The following CHCHD6 variants were observed in gnomAD, a reference collection of about 807,000 sequenced individuals.
The protein encoded by CHCHD6 is MICOS complex subunit MIC25.
Under a neutral mutation model 32.3 loss-of-function variants are expected in CHCHD6, and 28 were observed. The ratio of observed to expected loss-of-function variants is 0.87; its 90% CI spans 0.64 to 1.19. The LOEUF (loss-of-function observed/expected upper bound fraction) is 1.19, where lower values mean the gene tolerates loss of function less well. Ranked by LOEUF, CHCHD6 falls within the 50% of genes most tolerant of loss-of-function variation. The probability of loss-of-function intolerance (pLI) is 0.00; values close to 1 mark genes in which losing one functional copy is unlikely to be tolerated. For synonymous variants in CHCHD6, 122 were observed against 117.5 expected (o/e 1.04, Z -0.25); for missense variants, 333 against 307.0 (o/e 1.08, Z -0.63).
Position 126,836,332 on chromosome 3 carries a change from C to A in CHCHD6, c.412-16315C>A, listed in dbSNP as rs555584458. 1.4e-4 allele frequency among the ~76,000 whole-genome samples: 21 copies of A among 152,302 alleles called. No homozygotes were observed. The South Asian group carries it at 3.5e-3, about 26-fold the overall frequency. ...GGTTTTTTCAGCAGGGAATGAACTTCCCTAAGATCTTCGTGGCCTTCTATC... is the reference window on the plus strand; with the variant it reads ...GGTTTTTTCAGCAGGGAATGAACTTACCTAAGATCTTCGTGGCCTTCTATC... On this transcript the variant is annotated intron_variant, in intron 4 of 7. Transcript: ENST00000290913.
At chr3:126,895,319 G>A (rs2077823021) in intron 5 of CHCHD6, among the ~76,000 whole-genome samples, 1 of 152,222 alleles carries the variant, frequency 6.6e-6, no homozygotes, top group Admixed American at 6.5e-5. Flanking sequence ...CTATTTAGAA[G>A]GAAGAGCTTC....
chr3:126,757,822 T>A (rs1338989312), intron 4 of CHCHD6, among the ~76,000 whole-genome samples: 4 of 152,122 alleles, frequency 2.6e-5, no homozygotes, highest in Non-Finnish European at 4.4e-5. Context: ...GACAGGGGTA[T>A]CTTTGTGAAT....
intron 5 of CHCHD6, among the ~76,000 whole-genome samples, chr3:126,904,773 A>AATACTTT (rs2077981586): frequency 6.6e-6 from 1 of 152,202 alleles, no homozygotes; most frequent in African/African-American, 2.4e-5. Flanking sequence ...TACTTCTGGG[A>AATACTTT]AGGTCTCACC....
At chr3:126,788,475 A>G (rs922777941) in intron 4 of CHCHD6, among the ~76,000 whole-genome samples, 1 of 152,074 alleles carries the variant, frequency 6.6e-6, no homozygotes, top group Admixed American at 6.6e-5. Flanking sequence ...TTGGTTGGTA[A>G]GCTATTAATT....
intron 3 of CHCHD6, among the ~76,000 whole-genome samples, chr3:126,732,078 C>CAA (rs57722271): frequency 0.011 from 864 of 75,850 alleles, 13 homozygotes; most frequent in African/African-American, 0.042. Flanking sequence ...GACCCAAAAC[C>CAA]AAAAAAAAAA....
intron 1 of CHCHD6, among the ~76,000 whole-genome samples, chr3:126,706,906 T>C (rs779769817): frequency 2.6e-4 from 39 of 152,208 alleles, no homozygotes; most frequent in Admixed American, 3.3e-4. Flanking sequence ...AAGTTGAATA[T>C]TCTTAATGAC....
At chr3:126,821,534 T>A (rs1314572589) in intron 4 of CHCHD6, among the ~76,000 whole-genome samples, 1 of 151,330 alleles carries the variant, frequency 6.6e-6, no homozygotes, top group Non-Finnish European at 1.5e-5. Context: ...GACCTTGCAA[T>A]CCACCTGCCT....
chr3:126,852,627 C>T lies in CHCHD6; in HGVS notation c.412-20C>T. 6.2e-7 allele frequency: 1 copy of T among 1,605,660 alleles called. No homozygotes were observed. The highest frequency in any genetic ancestry group is 8.5e-7 in the Non-Finnish European group (1 of 1,172,484). ...CACCATCGCTGCTGGCTAACGTGGGCTTTGTTCTCTTCCAAGCAGGCCAGG... is the reference window on the plus strand; with the variant it reads ...CACCATCGCTGCTGGCTAACGTGGGTTTTGTTCTCTTCCAAGCAGGCCAGG... On this transcript the variant is annotated intron_variant, in intron 4 of 7. Coordinates refer to ENST00000290913, the MANE Select transcript of CHCHD6 (RefSeq NM_032343.3).
chr3:126,815,396 A>G (rs567000571), intron 4 of CHCHD6, among the ~76,000 whole-genome samples: 2 of 152,152 alleles, frequency 1.3e-5, no homozygotes, highest in Non-Finnish European at 2.9e-5. Context: ...GCATGGTCGC[A>G]CACAGAATCC....
At chr3:126,759,809 A>C (rs1426334344) in intron 4 of CHCHD6, among the ~76,000 whole-genome samples, 2 of 152,188 alleles carry the variant, frequency 1.3e-5, no homozygotes, top group African/African-American at 4.8e-5. Context: ...CTGTTCTTGC[A>C]TTACTGTGAA....
At chr3:126,898,833 C>T (rs924617541) in intron 5 of CHCHD6, among the ~76,000 whole-genome samples, 2 of 152,198 alleles carry the variant, frequency 1.3e-5, no homozygotes, top group Admixed American at 1.3e-4. Flanking sequence ...GCCACCACAC[C>T]TGGCTGTGAA....
At chr3:126,763,117 T>G (rs1486416447) in intron 4 of CHCHD6, among the ~76,000 whole-genome samples, 2 of 152,192 alleles carry the variant, frequency 1.3e-5, no homozygotes, top group Non-Finnish European at 2.9e-5. Flanking sequence ...TTCTTTTGTA[T>G]GTAGTTGATT....
At chr3:126,797,601 T>A (rs943648909) in intron 4 of CHCHD6, among the ~76,000 whole-genome samples, 1 of 152,216 alleles carries the variant, frequency 6.6e-6, no homozygotes, top group Non-Finnish European at 1.5e-5. Context: ...GTATTTTTTT[T>A]AATACAGTAG....
chr3:126,822,064 A>G (rs1940177233), intron 4 of CHCHD6, among the ~76,000 whole-genome samples: 1 of 152,106 alleles, frequency 6.6e-6, no homozygotes, highest in Non-Finnish European at 1.5e-5. Flanking sequence ...TTTAATTTCG[A>G]TGAAATTCAA....
At chr3:126,708,633 G>A (rs2107648746) in intron 1 of CHCHD6, among the ~76,000 whole-genome samples, 1 of 141,470 alleles carries the variant, frequency 7.1e-6, no homozygotes, top group East Asian at 2.1e-4. Context: ...GTCCAGTGTA[G>A]CAAGACCCCA....
intron 4 of CHCHD6, among the ~76,000 whole-genome samples, chr3:126,837,132 T>C (rs1245502203): frequency 2.0e-5 from 3 of 152,212 alleles, no homozygotes; most frequent in Admixed American, 2.0e-4. Context: ...TAAGATAGCC[T>C]TGCTTGGAAA....
intron 1 of CHCHD6, among the ~76,000 whole-genome samples, chr3:126,724,683 G>A (rs1426685409): frequency 6.6e-6 from 1 of 152,188 alleles, no homozygotes; most frequent in Admixed American, 6.5e-5. Flanking sequence ...TTAACCCATA[G>A]TGGAGCTCCT....
At chr3:126,793,677 CAT>C (rs1303654990) in intron 4 of CHCHD6, among the ~76,000 whole-genome samples, 1 of 152,176 alleles carries the variant, frequency 6.6e-6, no homozygotes, top group Non-Finnish European at 1.5e-5. Flanking sequence ...TCATTCCAAA[CAT>C]GTTCTCAGTT....
chr3:126,948,011 A>G (rs2078663692), intron 6 of CHCHD6, among the ~76,000 whole-genome samples: 1 of 152,276 alleles, frequency 6.6e-6, no homozygotes, highest in Non-Finnish European at 1.5e-5. Context: ...TGTAGCGGCT[A>G]TTGCTGATGT....
Sources: allele counts gnomAD v4.1 joint callset (sites outside exome capture counted in the v4.1 genomes callset), GRCh38; gene constraint gnomAD v4.1.1; transcripts MANE v1.5; gene names NCBI Gene and HGNC (gene_info 2026-07-23, HGNC 2026-07-21).